Variants in HDAC4 observed in about 807,000 individuals in gnomAD.
HDAC4 encodes histone deacetylase A.
HDAC4 carries 16 observed loss-of-function variants against 135.1 expected under a neutral mutation model. That is an observed-to-expected ratio of 0.12 (90% CI 0.08 to 0.18). The LOEUF (loss-of-function observed/expected upper bound fraction) is 0.18, where lower values mean the gene tolerates loss of function less well. Ranked by LOEUF, HDAC4 falls within the 10% of genes least tolerant of loss-of-function variation. The probability of loss-of-function intolerance (pLI) is 1.00; values close to 1 mark genes in which losing one functional copy is unlikely to be tolerated. For synonymous variants in HDAC4, 685 were observed against 653.4 expected (o/e 1.05, Z -0.74); for missense variants, 1,143 against 1,511.8 (o/e 0.76, Z 4.05).
At chr2:239,195,006 C>T (rs565853749) in intron 3 of HDAC4, among the ~76,000 whole-genome samples, 19 of 152,312 alleles carry the variant, frequency 1.2e-4, no homozygotes, top group African/African-American at 3.6e-4. Context: ...AGCAGGGAGG[C>T]GAGGGGCCCT....
At chr2:239,229,542 G>A (rs1466098240) in intron 3 of HDAC4, among the ~76,000 whole-genome samples, 1 of 152,206 alleles carries the variant, frequency 6.6e-6, no homozygotes, top group Non-Finnish European at 1.5e-5. Flanking sequence ...CATGGCCCAG[G>A]ACACAGCCTC....
intron 25 of HDAC4, 21 bp from the exon 26 acceptor site, chr2:239,053,622 A>G (rs1441721980): frequency 6.8e-6 from 11 of 1,611,878 alleles, no homozygotes; most frequent in Middle Eastern, 1.7e-4. Flanking sequence ...GGGGTGAGGA[A>G]AGTCGCTCAG....
intron 19 of HDAC4, 41 bp downstream of exon 19, chr2:239,087,518 C>T: frequency 6.3e-7 from 1 of 1,597,934 alleles, no homozygotes; most frequent in Non-Finnish European, 8.6e-7. Context: ...GGAAGGAAGA[C>T]CTGGGTTCCC....
intron 15 of HDAC4, among the ~76,000 whole-genome samples, chr2:239,104,793 AAG>A (rs1355303430): frequency 1.3e-5 from 2 of 152,108 alleles, no homozygotes; most frequent in African/African-American, 4.8e-5. Context: ...GAATTGCAGA[AAG>A]AGAGATCTGA....
chr2:239,054,855 T>C (rs377257852), intron 24 of HDAC4, 22 bp from the exon 25 acceptor site: 2 of 1,513,720 alleles, frequency 1.3e-6, no homozygotes, highest in Admixed American at 1.7e-5. Flanking sequence ...TGCATAAGAA[T>C]ATAAAGACTG....
chr2:239,360,737 C>T (rs1366220244), intron 1 of HDAC4, among the ~76,000 whole-genome samples: 2 of 152,178 alleles, frequency 1.3e-5, no homozygotes, highest in African/African-American at 2.4e-5. Context: ...AGACAGGGAG[C>T]GGGGACACCC....
At chr2:239,290,114 C>T (rs1575619884) in intron 2 of HDAC4, among the ~76,000 whole-genome samples, 4 of 152,174 alleles carry the variant, frequency 2.6e-5, no homozygotes, top group Admixed American at 2.6e-4. Flanking sequence ...AATCAAAAGA[C>T]ACAACATTAA....
Position 239,313,443 on chromosome 2 carries a change from C to A in HDAC4, c.22+39235G>T, listed in dbSNP as rs2052980727. On this transcript the variant is annotated intron_variant, in intron 2 of 26. Coordinates refer to ENST00000543185, the MANE Select transcript of HDAC4 (RefSeq NM_001378414.1). This position sits in a 1 kb window ranked among gnomAD's most constrained non-coding sequence, Gnocchi z 5.1. ...CAAGTATCCCCAGGCTGCCCAGGAGCCCGCTCCTCCAATTGGGGGCTGGCC... is the reference window on the plus strand; with the variant it reads ...CAAGTATCCCCAGGCTGCCCAGGAGACCGCTCCTCCAATTGGGGGCTGGCC... Among the ~76,000 whole-genome samples the A allele has an allele frequency of 6.6e-6, 1 of 152,206 alleles. No individual in the cohort carries two copies. Among genetic ancestry groups the A allele is most frequent in the South Asian group, 2.1e-4 (1 of 4,820 alleles).
chr2:239,246,301 G>A (rs1232887802), intron 2 of HDAC4, among the ~76,000 whole-genome samples: 1 of 152,204 alleles, frequency 6.6e-6, no homozygotes, highest in Non-Finnish European at 1.5e-5. Flanking sequence ...TGGAAACACA[G>A]CACCTCGCCC....
At chr2:239,159,329 CACT>C (rs901032535) in intron 6 of HDAC4, among the ~76,000 whole-genome samples, 5 of 149,962 alleles carry the variant, frequency 3.3e-5, no homozygotes, top group African/African-American at 1.0e-4. Flanking sequence ...CTGCACTGCA[CACT>C]ACTCACACCC....
At chr2:239,359,588 G>A (rs774547637) in intron 1 of HDAC4, among the ~76,000 whole-genome samples, 1 of 152,198 alleles carries the variant, frequency 6.6e-6, no homozygotes, top group Non-Finnish European at 1.5e-5. Context: ...GGGGGTGGGG[G>A]CTCCAGCTAC....
intron 2 of HDAC4, among the ~76,000 whole-genome samples, chr2:239,337,102 C>T (rs770268769): frequency 2.6e-4 from 40 of 152,136 alleles, no homozygotes; most frequent in Non-Finnish European, 5.0e-4. Flanking sequence ...GGGAAAGTGC[C>T]ATTCTCATCA....
intron 22 of HDAC4, among the ~76,000 whole-genome samples, chr2:239,075,973 T>G (rs1338190329): frequency 6.7e-6 from 1 of 149,796 alleles, no homozygotes; most frequent in Non-Finnish European, 1.5e-5. Context: ...CCCCTCAGCT[T>G]CCTGGGAAAC....
chr2:239,358,336 C>T (rs1040125763), intron 1 of HDAC4, among the ~76,000 whole-genome samples: 3 of 152,208 alleles, frequency 2.0e-5, no homozygotes, highest in African/African-American at 4.8e-5. Context: ...GGTGCTAAAG[C>T]GCCGGCCGTC....
chr2:239,289,312 G>A (rs756965641), intron 2 of HDAC4, among the ~76,000 whole-genome samples: 7 of 152,182 alleles, frequency 4.6e-5, no homozygotes, highest in Non-Finnish European at 1.0e-4. Context: ...TTTTTTGGTG[G>A]TTGTTTTGTT....
At chr2:239,116,886 A>G (rs956771133) in intron 12 of HDAC4, among the ~76,000 whole-genome samples, 2 of 152,040 alleles carry the variant, frequency 1.3e-5, no homozygotes, top group Admixed American at 6.5e-5. Flanking sequence ...CACCTTTTCC[A>G]GGGTCAGCTG....
At chr2:239,149,426 A>G (rs745637335) in intron 7 of HDAC4, among the ~76,000 whole-genome samples, 10 of 152,158 alleles carry the variant, frequency 6.6e-5, no homozygotes, top group Non-Finnish European at 1.3e-4. Context: ...GACAAATGAC[A>G]GACTGGAATC....
chr2:239,131,250 C>G (rs1463507847), intron 11 of HDAC4, among the ~76,000 whole-genome samples: 1 of 152,198 alleles, frequency 6.6e-6, no homozygotes, highest in East Asian at 1.9e-4. Flanking sequence ...CCCCTCTGGT[C>G]TCTGACAGTG....
At position 239,374,441 on chromosome 2, in the gene HDAC4, T is replaced by C. The variant is rs1362658573; in HGVS notation, c.-219-21523A>G. On this transcript the variant is annotated intron_variant, in intron 1 of 26. Coordinates refer to ENST00000543185, the MANE Select transcript of HDAC4 (RefSeq NM_001378414.1). ...TTTTTTGAGACGGAGTCTCGCTCTG[T>C]CGCCCAGGCTGGAGTGCAGTGGCGG... is the stretch of plus-strand genomic sequence containing the variant. 5.1e-5 allele frequency among the ~76,000 whole-genome samples: 6 copies of C among 118,608 alleles called. No individual in the cohort carries two copies. In the East Asian group the frequency reaches 1.8e-3, roughly 35 times the overall value. 77.8% of individuals were successfully genotyped at this position (118,608 alleles called of 152,430 possible).
Sources: allele counts gnomAD v4.1 joint callset (sites outside exome capture counted in the v4.1 genomes callset), GRCh38; gene constraint gnomAD v4.1.1; non-coding constraint Gnocchi (gnomAD v3.1); transcripts MANE v1.5; gene names NCBI Gene and HGNC (gene_info 2026-07-23, HGNC 2026-07-21).